Variants in NFATC2IP observed in about 807,000 individuals in gnomAD.
The protein encoded by NFATC2IP is NFATC2-interacting protein.
In NFATC2IP, 25 loss-of-function variants were observed where a neutral mutation model predicts 40.2. The ratio of observed to expected loss-of-function variants is 0.62; its 90% CI spans 0.45 to 0.87. The LOEUF is 0.87. Among genes scored for constraint, NFATC2IP ranks in the 40% least tolerant of loss-of-function variants. NFATC2IP has a pLI of 0.00. For synonymous variants in NFATC2IP, 241 were observed against 236.3 expected (o/e 1.02, Z -0.18); for missense variants, 553 against 555.6 (o/e 1.00, Z 0.05).
chr16:28,956,274 C>G lies in NFATC2IP; in HGVS notation c.783C>G (p.Thr261=), dbSNP rs762547628. The change falls in exon 5 of 8, where the codon ACC becomes ACG. Residue 261 remains threonine (T), a synonymous_variant. Coordinates refer to ENST00000320805, the MANE Select transcript of NFATC2IP (RefSeq NM_032815.4). ...TGGAAGGGCCCACCCTCCCAGAGAC[C>G]CCCCGACTCTTCCCACTCAAAATCC... ...VLVEGPTLPE[T]PRLFPLKIRC... 1 of 1,614,082 alleles carries G rather than the reference C, an allele frequency of 6.2e-7. No individual in the cohort carries two copies. The highest frequency in any genetic ancestry group is 8.5e-7 in the Non-Finnish European group (1 of 1,180,000).
chr16:28,959,875 T>C (rs1965066139), intron 7 of NFATC2IP, among the ~76,000 whole-genome samples: 1 of 152,168 alleles, frequency 6.6e-6, no homozygotes, highest in African/African-American at 2.4e-5. Flanking sequence ...GCCTGCTGCA[T>C]TCATTTCTTA....
At position 28,951,167 on chromosome 16, in the gene NFATC2IP, C is replaced by G. The variant is rs542726292; in HGVS notation, c.156C>G (p.Thr52=). The G allele has an allele frequency of 3.2e-6, 5 of 1,543,536 alleles. No homozygotes were observed. The highest frequency in any genetic ancestry group is 1.4e-5 in the African/African-American group (1 of 72,422). ...ACGTAGTGTCTGTGGACTTGGTCAC[C>G]GACAGCGATGAGGAAATTCTGGAGG... ...TLDVVSVDLV[T]DSDEEILEVA... is the part of the protein sequence containing the mutation. Residue 52 remains threonine (T), a synonymous_variant, in exon 1 of 8, where the codon ACC becomes ACG. Transcript: ENST00000320805.
intron 7 of NFATC2IP, among the ~76,000 whole-genome samples, 190 bp from the exon 8 acceptor site, chr16:28,963,515 C>T (rs907557521): frequency 2.0e-5 from 3 of 152,188 alleles, no homozygotes; most frequent in African/African-American, 4.8e-5. Flanking sequence ...TGACAGGATT[C>T]GTCCCAGCTC....
rs1256098275 is a variant in NFATC2IP at position 28,951,538 on chromosome 16, G to A, written c.387+140G>A. ...GCTGGTCCTCGGGCGTTAGGGTGTTGGAGGCAGGGAGAGGCAGGGCTCCGG... is the reference window on the plus strand; with the variant it reads ...GCTGGTCCTCGGGCGTTAGGGTGTTAGAGGCAGGGAGAGGCAGGGCTCCGG... On this transcript the variant is annotated intron_variant, in intron 1 of 7. Coordinates refer to ENST00000320805, the MANE Select transcript of NFATC2IP (RefSeq NM_032815.4). 4.8e-6 allele frequency: 4 copies of A among 830,820 alleles called. No homozygotes were observed. The East Asian group carries it at 1.3e-4, about 27-fold the overall frequency. 51.5% of individuals were successfully genotyped at this position (830,820 alleles called of 1,614,324 possible).
chr16:28,954,401 C>A (rs780881195), intron 2 of NFATC2IP, among the ~76,000 whole-genome samples, 164 bp from the exon 3 acceptor site: 2 of 151,996 alleles, frequency 1.3e-5, no homozygotes, highest in Non-Finnish European at 2.9e-5. Context: ...CAGTCTCATC[C>A]CCTGCCCCCT....
chr16:28,953,473 A>G (rs763279494), intron 2 of NFATC2IP, among the ~76,000 whole-genome samples: 2 of 152,228 alleles, frequency 1.3e-5, no homozygotes, highest in Non-Finnish European at 2.9e-5. Flanking sequence ...AGAATTAACG[A>G]AAGGGAATAT....
rs367554374 is a variant in NFATC2IP, at chr16:28,961,638, C to T, written c.1102-2067C>T. ...AGACAGGGCCAGACGTGGTGGCTCA[C>T]GCCTGTAATCCCAGCACTTTGGGAG... is the stretch of plus-strand genomic sequence containing the variant. On this transcript the variant is annotated intron_variant, in intron 7 of 7. Transcript: ENST00000320805. 1.2e-4 allele frequency among the ~76,000 whole-genome samples: 18 copies of T among 151,962 alleles called. No homozygotes were observed. In the East Asian group the frequency reaches 2.9e-3, roughly 25 times the overall value.
chr16:28,952,873 GCTGA>G (rs1022008473), intron 2 of NFATC2IP, among the ~76,000 whole-genome samples: 2 of 151,766 alleles, frequency 1.3e-5, no homozygotes, highest in African/African-American at 4.8e-5. Context: ...CTTCCCAGTA[GCTGA>G]CTAATTCCCA....
intron 7 of NFATC2IP, 140 bp downstream of exon 7, chr16:28,959,240 C>T: frequency 1.6e-6 from 1 of 606,602 alleles, no homozygotes. Context: ...GGTTCCCAGC[C>T]ATCCTAGGTA....
chr16:28,956,444 C>A, intron 5 of NFATC2IP, 107 bp downstream of exon 5: 2 of 783,062 alleles, frequency 2.6e-6, no homozygotes, highest in Non-Finnish European at 4.1e-6. Context: ...CTTTTCCCAT[C>A]CTGCTCTCTA....
At chr16:28,957,817 G>A (rs999997978) in intron 5 of NFATC2IP, 1 of 152,206 alleles carries the variant, frequency 6.6e-6, no homozygotes, top group Non-Finnish European at 1.5e-5. Flanking sequence ...TCACCTTTGT[G>A]ATGGGTGATT....
Position 28,964,079 on chromosome 16 carries a change from C to A in NFATC2IP, c.*216C>A. On this transcript the variant is annotated 3_prime_UTR_variant, in exon 8 of 8. Transcript: ENST00000320805. ...TGTTGTTGCCCTGGGTGGCCTGTGG[C>A]TCCGTCCACAAGTCATGCTGAGTTT... 1 of 552,888 alleles carries A rather than the reference C, an allele frequency of 1.8e-6. No homozygotes were observed. Among genetic ancestry groups the A allele is most frequent in the Non-Finnish European group, 3.2e-6 (1 of 307,726 alleles). 34.2% of individuals were successfully genotyped at this position (552,888 alleles called of 1,614,324 possible).
At position 28,954,552 on chromosome 16, in the gene NFATC2IP, C is replaced by T. The variant is rs1364288085; in HGVS notation, c.461-13C>T. 2 of 1,576,414 alleles carry T rather than the reference C, an allele frequency of 1.3e-6. No individual in the cohort carries two copies. Among genetic ancestry groups the T allele is most frequent in the African/African-American group, 2.7e-5 (2 of 74,156 alleles). On this transcript the variant is annotated splice_polypyrimidine_tract_variant and intron_variant, in intron 2 of 7. Coordinates refer to ENST00000320805, the MANE Select transcript of NFATC2IP (RefSeq NM_032815.4). The stretch of plus-strand genomic sequence containing the variant: ...GGATAACCCCCTTCTACCTTCTCTT[C>T]CTCTGCCCCCAGAGGCAGAGCTGGC...
chr16:28,952,812 G>A (rs772273299), intron 2 of NFATC2IP, among the ~76,000 whole-genome samples: 10 of 150,874 alleles, frequency 6.6e-5, no homozygotes, highest in Non-Finnish European at 1.3e-4. Flanking sequence ...GCACGATCTC[G>A]GCTCGCTGCA....
rs758548629 is a variant in NFATC2IP at position 28,956,305 on chromosome 16, C to T, written c.814C>T (p.Arg272Trp). Residue 272 changes from arginine to tryptophan, a missense_variant, in exon 5 of 8, where the codon CGG becomes TGG. Coordinates refer to ENST00000320805, the MANE Select transcript of NFATC2IP (RefSeq NM_032815.4). ...PRLFPLKIRC[R>W]ADLVRLPLRM... ...ACTCTTCCCACTCAAAATCCGTTGC[C>T]GGGCTGACCTGGTCAGATTGCCCCT... is the stretch of plus-strand genomic sequence containing the variant. 34 of 1,613,950 alleles carry T rather than the reference C, an allele frequency of 2.1e-5. No individual in the cohort carries two copies. The highest frequency in any genetic ancestry group is 4.0e-5 in the African/African-American group (3 of 74,904).
At chr16:28,954,767 T>C in intron 3 of NFATC2IP, 85 bp downstream of exon 3, 4 of 759,470 alleles carry the variant, frequency 5.3e-6, no homozygotes, top group Non-Finnish European at 9.1e-6. Flanking sequence ...CTTGGGTGAC[T>C]CCTGAAAGGT....
At chr16:28,954,431 G>C in intron 2 of NFATC2IP, 134 bp from the exon 3 acceptor site, 1 of 602,920 alleles carries the variant, frequency 1.7e-6, no homozygotes. Context: ...TTATCATGTG[G>C]CCCTGTGTGT....
At chr16:28,955,951 C>T (rs1596728554) in intron 3 of NFATC2IP, 27 bp from the exon 4 acceptor site, 5 of 1,569,386 alleles carry the variant, frequency 3.2e-6, no homozygotes, top group Non-Finnish European at 4.4e-6. Flanking sequence ...TCCATTGCCT[C>T]CGTCCTGCTG....
Position 28,963,912 on chromosome 16 carries a change from T to C in NFATC2IP, c.*49T>C. The C allele has an allele frequency of 6.3e-7, 1 of 1,579,968 alleles. No individual in the cohort carries two copies. Among genetic ancestry groups the C allele is most frequent in the Non-Finnish European group, 8.7e-7 (1 of 1,152,536 alleles). On this transcript the variant is annotated 3_prime_UTR_variant, in exon 8 of 8. Transcript: ENST00000320805. ...CCAGCCTGGACTTGGGGAGAATGAC[T>C]TTCCCTTTTTTGCCCCATAAGGGCT...
Sources: allele counts gnomAD v4.1 joint callset (sites outside exome capture counted in the v4.1 genomes callset), GRCh38; gene constraint gnomAD v4.1.1; transcripts MANE v1.5; gene names NCBI Gene and HGNC (gene_info 2026-07-23, HGNC 2026-07-21).